Variants in TTLL5 observed in about 807,000 individuals in gnomAD.
TTLL5 encodes tubulin tyrosine ligase like 5.
Under a neutral mutation model 168.4 loss-of-function variants are expected in TTLL5, and 132 were observed. That is an observed-to-expected ratio of 0.78 (90% confidence interval 0.68 to 0.91). The LOEUF (loss-of-function observed/expected upper bound fraction) is 0.91, where lower values mean the gene tolerates loss of function less well. Among genes scored for constraint, TTLL5 ranks in the 40% least tolerant of loss-of-function variants. TTLL5 has a pLI of 0.00. For synonymous variants in TTLL5, 546 were observed against 558.6 expected, an observed-to-expected ratio of 0.98 and a Z score of 0.32; for missense variants, 1,545 against 1,581.5, an observed-to-expected ratio of 0.98 and a Z score of 0.39.
chr14:75,946,572 G>A (rs2034780515), intron 31 of TTLL5, among the ~76,000 whole-genome samples: 1 of 152,210 alleles, frequency 6.6e-6, no homozygotes, highest in Non-Finnish European at 1.5e-5. Flanking sequence ...ATTGATTCAT[G>A]AATGCAACAA....
At chr14:75,683,406 C>T (rs1426126849) in intron 4 of TTLL5, 144 bp from the exon 5 acceptor site, 5 of 624,108 alleles carry the variant, frequency 8.0e-6, no homozygotes, top group Non-Finnish European at 1.4e-5. Flanking sequence ...GCTTTTGTCT[C>T]ACTAGGCTCA....
intron 29 of TTLL5, among the ~76,000 whole-genome samples, chr14:75,881,882 T>C (rs1258222584): frequency 6.6e-6 from 1 of 152,338 alleles, no homozygotes; most frequent in South Asian, 2.1e-4. Flanking sequence ...TTTTTAAGCA[T>C]CTACTTGAAG....
intron 3 of TTLL5, among the ~76,000 whole-genome samples, chr14:75,677,218 G>A (rs948052784): frequency 6.6e-6 from 1 of 151,768 alleles, no homozygotes; most frequent in Non-Finnish European, 1.5e-5. Context: ...AACTGATTTA[G>A]TGCTTACAGC....
At chr14:75,706,925 C>T (rs1219013090) in intron 7 of TTLL5, 93 bp from the exon 8 acceptor site, 1 of 1,107,868 alleles carries the variant, frequency 9.0e-7, no homozygotes, top group Non-Finnish European at 1.3e-6. Context: ...TTCCACCTTA[C>T]CATTTCTTTA....
At chr14:75,676,213 A>G (rs1273253999) in intron 3 of TTLL5, among the ~76,000 whole-genome samples, 1 of 152,200 alleles carries the variant, frequency 6.6e-6, no homozygotes, top group Non-Finnish European at 1.5e-5. Flanking sequence ...AGACATCCTC[A>G]CAGACACCTA....
intron 29 of TTLL5, among the ~76,000 whole-genome samples, chr14:75,881,822 AT>A (rs1318642356): frequency 6.6e-6 from 1 of 152,224 alleles, no homozygotes; most frequent in Non-Finnish European, 1.5e-5. Context: ...TAGTAACAAA[AT>A]TGAGACACAA....
chr14:75,755,401 T>TG (rs1890189245), intron 18 of TTLL5, among the ~76,000 whole-genome samples: 1 of 152,160 alleles, frequency 6.6e-6, no homozygotes, highest in African/African-American at 2.4e-5. Context: ...CATTTCTACT[T>TG]GCTCTTTTAT....
chr14:75,809,219 A>G (rs779772473), intron 27 of TTLL5, among the ~76,000 whole-genome samples: 11 of 152,182 alleles, frequency 7.2e-5, no homozygotes, highest in South Asian at 4.1e-4. Flanking sequence ...AAGGGTTCAA[A>G]TACCTTCACC....
intron 15 of TTLL5, chr14:75,737,631 C>A: frequency 6.5e-7 from 1 of 1,531,570 alleles, no homozygotes; most frequent in Non-Finnish European, 8.7e-7. Flanking sequence ...CTTTTGGAGA[C>A]TTCTTCAAAT....
intron 23 of TTLL5, among the ~76,000 whole-genome samples, 198 bp downstream of exon 23, chr14:75,777,048 G>A (rs1036942555): frequency 5.3e-5 from 8 of 152,114 alleles, no homozygotes; most frequent in Non-Finnish European, 1.2e-4. Context: ...GGAATTCGAG[G>A]CCAGCTTGGG....
intron 27 of TTLL5, among the ~76,000 whole-genome samples, chr14:75,817,825 C>CTTTTTTTTT (rs1894531250): frequency 8.2e-6 from 1 of 121,228 alleles, no homozygotes; most frequent in Non-Finnish European, 1.8e-5. Flanking sequence ...CTTTTCTTTT[C>CTTTTTTTTT]TTTTCTTTTT....
At chr14:75,717,802 C>A in intron 9 of TTLL5, 59 bp from the exon 10 acceptor site, 2 of 1,506,030 alleles carry the variant, frequency 1.3e-6, no homozygotes, top group Non-Finnish European at 1.8e-6. Context: ...ATCCTCAGTT[C>A]CAGCCTGTAT....
At chr14:75,711,424 G>C (rs1173872719) in intron 9 of TTLL5, 1 of 152,138 alleles carries the variant, frequency 6.6e-6, no homozygotes, top group African/African-American at 2.4e-5. Context: ...TACAGCTTTA[G>C]GTGGATCCAG....
chr14:75,745,514 G>T lies in TTLL5; in HGVS notation c.1420G>T (p.Glu474Ter). ...GATCAAAGTTTTACGAAGGGTGAAG[G>T]AGGAGAATGATCGGCGAGGTGGATT... ...EEIKVLRRVK[E>*]ENDRRGGFIR... Residue 474 changes from glutamate to a stop codon, truncating the protein, a stop_gained, in exon 17 of 32, where the codon GAG (glutamate) becomes TAG (stop). Transcript: ENST00000298832. LOFTEE classifies it high-confidence loss of function. 6.2e-7 allele frequency: 1 copy of T among 1,613,926 alleles called. No individual in the cohort carries two copies. Among genetic ancestry groups the T allele is most frequent in the Non-Finnish European group, 8.5e-7 (1 of 1,179,962 alleles).
At chr14:75,784,954 G>C (rs1031238314) in intron 26 of TTLL5, among the ~76,000 whole-genome samples, 4 of 151,748 alleles carry the variant, frequency 2.6e-5, no homozygotes, top group Admixed American at 6.6e-5. Flanking sequence ...TTTTATTGTT[G>C]AATGTAAATG....
intron 29 of TTLL5, among the ~76,000 whole-genome samples, chr14:75,866,011 G>C (rs2030486685): frequency 6.6e-6 from 1 of 152,188 alleles, no homozygotes; most frequent in Non-Finnish European, 1.5e-5. Flanking sequence ...AGGTAAAAAT[G>C]AGTAAGGGTG....
chr14:75,760,177 G>T (rs933934194), intron 18 of TTLL5, among the ~76,000 whole-genome samples: 1 of 151,982 alleles, frequency 6.6e-6, no homozygotes, highest in Non-Finnish European at 1.5e-5. Flanking sequence ...TACTAAAATC[G>T]ATTGTATCTT....
chr14:75,943,564 G>T (rs2034677834), intron 31 of TTLL5, among the ~76,000 whole-genome samples: 1 of 152,184 alleles, frequency 6.6e-6, no homozygotes, highest in Admixed American at 6.5e-5. Context: ...AGAGTTTAAG[G>T]TGGTCCTAAG....
Position 75,783,456 on chromosome 14 carries a change from G to A in TTLL5, c.2912G>A (p.Gly971Asp). The A allele has an allele frequency of 6.2e-7, 1 of 1,614,136 alleles. No homozygotes were observed. Among genetic ancestry groups the A allele is most frequent in the Non-Finnish European group, 8.5e-7 (1 of 1,180,022 alleles). Reference protein sequence around the residue: ...PRCRSGSHTIGPFSSFQSAAH... With the variant: ...PRCRSGSHTIDPFSSFQSAAH... ...TGTCGATCAGGAAGTCACACCATTG[G>A]TCCCTTTTCTTCCTTCCAAAGTGCT... Residue 971 changes from glycine (G) to aspartate (D), a missense_variant, in exon 26 of 32, where the codon GGT becomes GAT. Gly to Asp is a moderately conservative substitution (Grantham distance 94). Transcript: ENST00000298832.
Sources: allele counts gnomAD v4.1 joint callset (sites outside exome capture counted in the v4.1 genomes callset), GRCh38; gene constraint gnomAD v4.1.1; transcripts MANE v1.5; gene names NCBI Gene and HGNC (gene_info 2026-07-23, HGNC 2026-07-21).